The following SMARCA2 variants were observed in gnomAD, a reference collection of about 807,000 sequenced individuals.
SMARCA2 encodes the protein SWI/SNF related BAF chromatin remodeling complex subunit ATPase 2, also known as SWI/SNF-related matrix-associated actin-dependent regulator of chromatin subfamily A member 2.
SMARCA2 carries 61 observed loss-of-function variants against 199.8 expected under a neutral mutation model. That is an observed-to-expected ratio of 0.31 (90% confidence interval 0.25 to 0.38). SMARCA2 has a LOEUF of 0.38. Ranked by LOEUF, SMARCA2 falls within the 10% of genes least tolerant of loss-of-function variation. SMARCA2 has a pLI of 1.00. For missense variants in SMARCA2, 1,344 were observed against 2,012.2 expected (o/e 0.67, Z 6.35); for synonymous variants, 935 against 732.0 (o/e 1.28, Z -4.48).
Position 2,110,182 on chromosome 9 carries a change from G to C in SMARCA2, c.3293-72G>C. The C allele has an allele frequency of 8.1e-7, 1 of 1,241,442 alleles. No individual in the cohort carries two copies. The highest frequency in any genetic ancestry group is 1.1e-6 in the Non-Finnish European group (1 of 891,178). 76.9% of individuals were successfully genotyped at this position (1,241,442 alleles called of 1,614,324 possible). A position where few individuals can be genotyped will look rare whatever the true frequency, so the allele number is the denominator to read the frequency against. On this transcript the variant is annotated intron_variant, in intron 23 of 33. Coordinates refer to ENST00000349721, the MANE Select transcript of SMARCA2 (RefSeq NM_003070.5). This position sits in a 1 kb window ranked among gnomAD's most constrained non-coding sequence, Gnocchi z 4.8. ...TGGGTATATTTCTTGAAGGAAGCAA[G>C]CCTTTTTGTCTCATTCTGTGCCATT... is the stretch of plus-strand genomic sequence containing the variant.
intron 22 of SMARCA2, among the ~76,000 whole-genome samples, chr9:2,103,256 C>G (rs1822606552): frequency 6.6e-6 from 1 of 152,144 alleles, no homozygotes; most frequent in Non-Finnish European, 1.5e-5. Context: ...CTCAGCGTAG[C>G]CTCTGTAACA....
chr9:2,157,532 A>C (rs1825429577), intron 27 of SMARCA2: 1 of 189,482 alleles, frequency 5.3e-6, no homozygotes, highest in African/African-American at 2.3e-5. Context: ...TATGATACTG[A>C]AATAGCAGAG....
At chr9:2,106,437 A>G (rs1822757965) in intron 23 of SMARCA2, among the ~76,000 whole-genome samples, 1 of 152,228 alleles carries the variant, frequency 6.6e-6, no homozygotes, top group African/African-American at 2.4e-5. Flanking sequence ...GTGGAAGGAG[A>G]CAGACAAGCA....
At chr9:2,112,296 G>A (rs1047741848) in intron 24 of SMARCA2, among the ~76,000 whole-genome samples, 1 of 152,174 alleles carries the variant, frequency 6.6e-6, no homozygotes. Flanking sequence ...ATCTATAGGT[G>A]AATGGAGAGT....
chr9:2,148,153 T>G (rs1586755394), intron 27 of SMARCA2, among the ~76,000 whole-genome samples: 1 of 151,896 alleles, frequency 6.6e-6, no homozygotes, highest in East Asian at 1.9e-4. Context: ...GTTCATGCTC[T>G]TTATAGAACT....
At chr9:2,041,718 A>T (rs187498199) in intron 4 of SMARCA2, 5 of 278,766 alleles carry the variant, frequency 1.8e-5, no homozygotes, top group Non-Finnish European at 3.3e-5. Context: ...GAGAACTGAG[A>T]TTTGGGAACA....
chr9:2,050,965 C>CA (rs1284346908), intron 5 of SMARCA2, among the ~76,000 whole-genome samples: 1 of 152,208 alleles, frequency 6.6e-6, no homozygotes, highest in Non-Finnish European at 1.5e-5. Context: ...TTTCTGTACT[C>CA]GTGAGGACGC....
chr9:2,038,311 G>T (rs1446000447), intron 3 of SMARCA2, among the ~76,000 whole-genome samples: 1 of 152,106 alleles, frequency 6.6e-6, no homozygotes, highest in African/African-American at 2.4e-5. Context: ...TTAGGTTGTT[G>T]TAAGGATTGA....
At chr9:2,092,529 A>G (rs1269567971) in intron 19 of SMARCA2, among the ~76,000 whole-genome samples, 1 of 152,220 alleles carries the variant, frequency 6.6e-6, no homozygotes, top group African/African-American at 2.4e-5. Flanking sequence ...CCAATAAAAC[A>G]TCCTTTAGGA....
In SMARCA2 at chr9:2,051,461, C is replaced by T. The variant is rs116087040; in HGVS notation, c.1047-3136C>T. The stretch of plus-strand genomic sequence containing the variant: ...CCCATCTCCCCGGGGTTCCCACCCC[C>T]CATCTCCTCATTTCCGCTCCACTTC... On this transcript the variant is annotated intron_variant, in intron 5 of 33. Coordinates refer to ENST00000349721, the MANE Select transcript of SMARCA2 (RefSeq NM_003070.5). Among the ~76,000 whole-genome samples, 407 of 152,322 alleles carry T rather than the reference C, an allele frequency of 2.7e-3. 2 individuals carry two copies. The highest frequency in any genetic ancestry group is 9.3e-3 in the African/African-American group (388 of 41,568).
intron 26 of SMARCA2, among the ~76,000 whole-genome samples, chr9:2,120,399 C>T (rs1327644080): frequency 6.6e-6 from 1 of 152,124 alleles, no homozygotes; most frequent in African/African-American, 2.4e-5. Flanking sequence ...AAATGTGAGA[C>T]CTATGTCGCC....
At chr9:2,064,649 A>G (rs759903012) in intron 9 of SMARCA2, among the ~76,000 whole-genome samples, 6 of 152,314 alleles carry the variant, frequency 3.9e-5, no homozygotes, top group African/African-American at 7.2e-5. Context: ...CTTTGAGGAC[A>G]GTGACAGATT....
In SMARCA2 at chr9:2,092,152, G is replaced by A. The variant is rs571513836; in HGVS notation, c.2883+3539G>A. The stretch of plus-strand genomic sequence containing the variant: ...TTAGCTCACATTTAAGGTTGTCTGT[G>A]CTGACTCTTTTGTTAATTCATATCA... On this transcript the variant is annotated intron_variant, in intron 19 of 33. Coordinates refer to ENST00000349721, the MANE Select transcript of SMARCA2 (RefSeq NM_003070.5). Among the ~76,000 whole-genome samples, 3 of 152,276 alleles carry A rather than the reference G, an allele frequency of 2.0e-5. No individual in the cohort carries two copies. The East Asian group carries it at 5.8e-4, about 29-fold the overall frequency.
intron 27 of SMARCA2, among the ~76,000 whole-genome samples, chr9:2,131,959 A>C (rs1823980874): frequency 6.6e-6 from 1 of 152,004 alleles, no homozygotes; most frequent in South Asian, 2.1e-4. Flanking sequence ...AAAAGGAAAA[A>C]AAAATGACAT....
At chr9:2,049,203 G>A (rs1820013176) in intron 5 of SMARCA2, among the ~76,000 whole-genome samples, 1 of 152,146 alleles carries the variant, frequency 6.6e-6, no homozygotes, top group South Asian at 2.1e-4. Context: ...AGCCTGGTAT[G>A]TGTGTGTGCA....
chr9:2,032,776 A>G (rs1819128209), intron 2 of SMARCA2, 176 bp from the exon 3 acceptor site: 2 of 516,276 alleles, frequency 3.9e-6, no homozygotes, highest in Middle Eastern at 4.9e-4. Flanking sequence ...AAGACTTAAC[A>G]TTTGACTTAC....
intron 17 of SMARCA2, among the ~76,000 whole-genome samples, chr9:2,085,075 C>G (rs1443639377): frequency 6.6e-6 from 1 of 152,088 alleles, no homozygotes; most frequent in African/African-American, 2.4e-5. Flanking sequence ...GCATTAAACT[C>G]TTGCTCTGGG....
rs7871647 is a variant in SMARCA2 at position 2,104,884 on chromosome 9, T to A, written c.3292+715T>A. 0.054 allele frequency among the ~76,000 whole-genome samples: 8,205 copies of A among 152,244 alleles called. 729 individuals carry two copies. The highest frequency in any genetic ancestry group is 0.19 in the African/African-American group (7,747 of 41,490). On this transcript the variant is annotated intron_variant, in intron 23 of 33. Transcript: ENST00000349721. This position sits in a 1 kb window ranked among gnomAD's most constrained non-coding sequence, Gnocchi z 4.0. ...AGCATTTATACACAATGGAAGGGCATAAATATGGCATTCAAAGAGTGGTAA... is the reference window on the plus strand; with the variant it reads ...AGCATTTATACACAATGGAAGGGCAAAAATATGGCATTCAAAGAGTGGTAA...
In SMARCA2 at chr9:2,104,618, C is replaced by G. The variant is rs765583975; in HGVS notation, c.3292+449C>G. On this transcript the variant is annotated intron_variant, in intron 23 of 33. Coordinates refer to ENST00000349721, the MANE Select transcript of SMARCA2 (RefSeq NM_003070.5). The surrounding 1 kb of genome is among the most constrained non-coding windows in gnomAD (Gnocchi z 4.0). ...TAAGATTATATTTATCATTAAAGCCCCTCTCTTCCTAAATAAGACGTATCC... is the reference window on the plus strand; with the variant it reads ...TAAGATTATATTTATCATTAAAGCCGCTCTCTTCCTAAATAAGACGTATCC... Among the ~76,000 whole-genome samples, 2 of 151,998 alleles carry G rather than the reference C, an allele frequency of 1.3e-5. No homozygotes were observed. Among genetic ancestry groups the G allele is most frequent in the Non-Finnish European group, 2.9e-5 (2 of 67,994 alleles).
Sources: allele counts gnomAD v4.1 joint callset (sites outside exome capture counted in the v4.1 genomes callset), GRCh38; gene constraint gnomAD v4.1.1; non-coding constraint Gnocchi (gnomAD v3.1); transcripts MANE v1.5; gene names NCBI Gene and HGNC (gene_info 2026-07-23, HGNC 2026-07-21).